Variants in ATP6V1A observed in about 807,000 individuals in gnomAD.
ATP6V1A encodes V-type proton ATPase catalytic subunit A.
A neutral mutation model predicts 70.1 loss-of-function variants in ATP6V1A; 18 were observed. The ratio of observed to expected loss-of-function variants is 0.26; its 90% confidence interval spans 0.18 to 0.38. The LOEUF is 0.38. Ranked by LOEUF, ATP6V1A falls within the 10% of genes least tolerant of loss-of-function variation. The probability of loss-of-function intolerance (pLI) is 1.00; values close to 1 mark genes in which losing one functional copy is unlikely to be tolerated. For missense variants in ATP6V1A, 424 were observed against 772.4 expected, an observed-to-expected ratio of 0.55 and a Z score of 5.35; for synonymous variants, 232 against 253.8, an observed-to-expected ratio of 0.91 and a Z score of 0.82.
chr3:113,763,536 C>A (rs1187762676), intron 1 of ATP6V1A, among the ~76,000 whole-genome samples: 1 of 152,212 alleles, frequency 6.6e-6, no homozygotes, highest in Non-Finnish European at 1.5e-5. Context: ...AGCTTTAAGA[C>A]TGTCATTCTA....
chr3:113,763,338 T>C lies in ATP6V1A; in HGVS notation c.-13-15403T>C, dbSNP rs528703419. 2.6e-5 allele frequency among the ~76,000 whole-genome samples: 4 copies of C among 152,304 alleles called. No homozygotes were observed. The South Asian group carries it at 8.3e-4, about 32-fold the overall frequency. ...TCCTGACCTCGTGATCCGCCCACCT[T>C]GGCCTCCCAAAGTGCTGGGATTACA... is the stretch of plus-strand genomic sequence containing the variant. On this transcript the variant is annotated intron_variant, in intron 1 of 14. Transcript: ENST00000273398.
intron 3 of ATP6V1A, 123 bp from the exon 4 acceptor site, chr3:113,784,101 T>A: frequency 1.2e-6 from 1 of 857,356 alleles, no homozygotes; most frequent in East Asian, 2.5e-5. Context: ...TCCTGTGAAC[T>A]GAGAAAGTTT....
chr3:113,773,129 G>A (rs1008667676), intron 1 of ATP6V1A, among the ~76,000 whole-genome samples: 19 of 151,496 alleles, frequency 1.3e-4, no homozygotes, highest in Non-Finnish European at 2.4e-4. Context: ...TAGTAGAGGC[G>A]GGGTTTCACC....
At chr3:113,774,061 GA>G (rs11300144) in intron 1 of ATP6V1A, among the ~76,000 whole-genome samples, 53,021 of 146,964 alleles carry the variant, frequency 0.36, 9,345 homozygotes, top group African/African-American at 0.4. Context: ...TGATAACTAG[GA>G]AAAAAAAAAA....
rs139275927 is a variant in ATP6V1A, at chr3:113,794,625, A to T, written c.989-247A>T. 1.9e-3 allele frequency among the ~76,000 whole-genome samples: 285 copies of T among 152,018 alleles called. 1 individual carries two copies. Among genetic ancestry groups the T allele is most frequent in the African/African-American group, 6.7e-3 (277 of 41,456 alleles). On this transcript the variant is annotated intron_variant, in intron 8 of 14. Transcript: ENST00000273398. ...TATGGAAGAGCGTGTGACTTGCCTG[A>T]CCGTAGAACACATTATTTTGACTTG...
At chr3:113,760,678 G>C (rs560770499) in intron 1 of ATP6V1A, among the ~76,000 whole-genome samples, 3 of 151,918 alleles carry the variant, frequency 2.0e-5, no homozygotes, top group African/African-American at 7.3e-5. Flanking sequence ...GCAGTGAGCC[G>C]AGATCGCACC....
At chr3:113,795,547 G>C (rs551426067) in intron 10 of ATP6V1A, among the ~76,000 whole-genome samples, 1 of 151,746 alleles carries the variant, frequency 6.6e-6, no homozygotes, top group Non-Finnish European at 1.5e-5. Flanking sequence ...ACTACATAAA[G>C]CCATACTTTT....
chr3:113,755,462 G>A (rs185351230), intron 1 of ATP6V1A, among the ~76,000 whole-genome samples: 3 of 151,732 alleles, frequency 2.0e-5, no homozygotes, highest in South Asian at 2.1e-4. Flanking sequence ...TTAGCCAGGC[G>A]TGGTGGCACA....
chr3:113,787,894 G>A (rs981837575), intron 6 of ATP6V1A, among the ~76,000 whole-genome samples: 6 of 152,072 alleles, frequency 3.9e-5, no homozygotes, highest in Admixed American at 2.6e-4. Flanking sequence ...AGCGTAAACC[G>A]TCTCCTATCT....
intron 1 of ATP6V1A, among the ~76,000 whole-genome samples, chr3:113,766,928 A>G (rs1708778325): frequency 6.6e-6 from 1 of 152,098 alleles, no homozygotes; most frequent in Non-Finnish European, 1.5e-5. Context: ...GACCAGACCA[A>G]ATCTGGGCAT....
At chr3:113,803,887 CAT>C (rs1709248044) in intron 13 of ATP6V1A, among the ~76,000 whole-genome samples, 1 of 152,184 alleles carries the variant, frequency 6.6e-6, no homozygotes, top group Non-Finnish European at 1.5e-5. Context: ...TATTTTCACT[CAT>C]ATATTCATCT....
rs769824817 is a variant in ATP6V1A at position 113,781,194 on chromosome 3, C to G, written c.211+16C>G. 1.3e-6 allele frequency: 2 copies of G among 1,594,240 alleles called. No individual in the cohort carries two copies. Among genetic ancestry groups the G allele is most frequent in the Non-Finnish European group, 8.5e-7 (1 of 1,171,518 alleles). ...GAAGAAACTTGTATCCTTTTTGGCT[C>G]AATTTCCTGCCACTTTCTATATTTC... On this transcript the variant is annotated intron_variant, in intron 3 of 14. Coordinates refer to ENST00000273398, the MANE Select transcript of ATP6V1A (RefSeq NM_001690.4).
rs1444265516 is a variant in ATP6V1A, at chr3:113,809,187, G to A, written c.1762-148G>A. The A allele has an allele frequency of 8.4e-6, 4 of 477,874 alleles. No individual in the cohort carries two copies. In the Admixed American group the frequency reaches 1.0e-4, roughly 12 times the overall value. The allele number at this position is 477,874 out of a possible 1,614,324, so 29.6% of individuals were successfully genotyped here. ...GGAGAATCACTTGAAGCCAGGAGGTGGAGGTTGCAGTGAGCCAAGATCGTG... is the reference window on the plus strand; with the variant it reads ...GGAGAATCACTTGAAGCCAGGAGGTAGAGGTTGCAGTGAGCCAAGATCGTG... On this transcript the variant is annotated intron_variant, in intron 14 of 14. Transcript: ENST00000273398.
intron 8 of ATP6V1A, among the ~76,000 whole-genome samples, chr3:113,794,572 ATTT>A (rs1046426053): frequency 1.3e-5 from 2 of 152,148 alleles, no homozygotes; most frequent in African/African-American, 2.4e-5. Context: ...AGTTCTTTCC[ATTT>A]CAGTAGGCCA....
intron 12 of ATP6V1A, among the ~76,000 whole-genome samples, chr3:113,802,455 C>T (rs541471802): frequency 1.3e-5 from 2 of 151,912 alleles, no homozygotes; most frequent in South Asian, 2.1e-4. Flanking sequence ...CTCAGCCCCC[C>T]GAGTAGCTGG....
chr3:113,773,529 A>T (rs536691769), intron 1 of ATP6V1A, among the ~76,000 whole-genome samples: 10 of 152,204 alleles, frequency 6.6e-5, no homozygotes, highest in Non-Finnish European at 1.5e-4. Context: ...AGACTGCTGG[A>T]TCATGAACAA....
At chr3:113,758,020 T>C (rs1199313228) in intron 1 of ATP6V1A, among the ~76,000 whole-genome samples, 2 of 152,146 alleles carry the variant, frequency 1.3e-5, no homozygotes, top group Admixed American at 1.3e-4. Context: ...GGTGTGCACC[T>C]GTAGTCCCAG....
intron 2 of ATP6V1A, chr3:113,780,830 A>G (rs1479951731): frequency 3.0e-6 from 4 of 1,333,424 alleles, no homozygotes; most frequent in East Asian, 7.3e-5. Context: ...GTTTTCATGT[A>G]TATTATGTAA....
At chr3:113,765,639 C>A (rs147282280) in intron 1 of ATP6V1A, among the ~76,000 whole-genome samples, 1 of 145,156 alleles carries the variant, frequency 6.9e-6, no homozygotes. Context: ...GATGAGTGGC[C>A]GGGCGCGGTG....
Sources: gnomAD v4.1 joint callset for allele counts (sites outside exome capture counted in the v4.1 genomes callset) on GRCh38, gnomAD v4.1.1 for gene constraint, MANE v1.5 for transcripts, NCBI Gene and HGNC (gene_info 2026-07-23, HGNC 2026-07-21) for gene names.